The following LRRC7 variants were observed in gnomAD, a reference collection of about 807,000 sequenced individuals.
LRRC7 encodes leucine-rich repeat-containing protein 7.
LRRC7 carries 23 observed loss-of-function variants against 175.7 expected under a neutral mutation model. That is an observed-to-expected ratio of 0.13 (90% CI 0.09 to 0.19). The LOEUF is 0.19. Ranked by LOEUF, LRRC7 falls within the 10% of genes least tolerant of loss-of-function variation. The probability of loss-of-function intolerance (pLI) is 1.00; values close to 1 mark genes in which losing one functional copy is unlikely to be tolerated. For synonymous variants in LRRC7, 685 were observed against 680.9 expected, an observed-to-expected ratio of 1.01 and a Z score of -0.09; for missense variants, 1,354 against 1,904.7, an observed-to-expected ratio of 0.71 and a Z score of 5.38.
At chr1:69,918,836 T>C (rs1369389688) in intron 7 of LRRC7, among the ~76,000 whole-genome samples, 1 of 152,064 alleles carries the variant, frequency 6.6e-6, no homozygotes, top group Non-Finnish European at 1.5e-5. Context: ...TTTAAATAAA[T>C]AAGCTTCAGG....
rs139858227 is a variant in LRRC7 at position 69,930,599 on chromosome 1, T to C, written c.648-908T>C. Among the ~76,000 whole-genome samples, 1,249 of 152,304 alleles carry C rather than the reference T, an allele frequency of 8.2e-3. 16 individuals are homozygous for C. Among genetic ancestry groups the C allele is most frequent in the African/African-American group, 0.028 (1,144 of 41,568 alleles). On this transcript the variant is annotated intron_variant, in intron 7 of 26. Transcript: ENST00000651989. ...TGGAGTGCACTTGGGTTCCCTGAAC[T>C]TTTGACATCAACTCTTGCCCAAGGT...
At chr1:70,114,914 A>G (rs762629335) in intron 26 of LRRC7, among the ~76,000 whole-genome samples, 1 of 152,220 alleles carries the variant, frequency 6.6e-6, no homozygotes, top group Non-Finnish European at 1.5e-5. Context: ...AGTTTAGTTA[A>G]TAGAAAAGTA....
intron 8 of LRRC7, among the ~76,000 whole-genome samples, chr1:69,937,107 A>G (rs989362159): frequency 3.2e-4 from 49 of 152,252 alleles, no homozygotes; most frequent in African/African-American, 1.1e-3. Context: ...AGGGATTTCT[A>G]TGTAACTAAT....
At chr1:69,926,140 G>A (rs1203811298) in intron 7 of LRRC7, among the ~76,000 whole-genome samples, 2 of 150,374 alleles carry the variant, frequency 1.3e-5, no homozygotes, top group East Asian at 2.0e-4. Context: ...CTGAGTTCTA[G>A]TTTGATTGCA....
intron 1 of LRRC7, among the ~76,000 whole-genome samples, chr1:69,650,388 A>G (rs1466609877): frequency 1.3e-5 from 2 of 151,690 alleles, no homozygotes; most frequent in Non-Finnish European, 2.9e-5. Context: ...AAAATGAAAA[A>G]AATTAGCCGG....
chr1:69,670,037 G>T (rs1029598765), intron 1 of LRRC7, among the ~76,000 whole-genome samples: 1 of 152,142 alleles, frequency 6.6e-6, no homozygotes, highest in Admixed American at 6.5e-5. Flanking sequence ...TGAATTATCT[G>T]TCTAAAGGTC....
At chr1:69,888,365 G>A (rs1476459248) in intron 7 of LRRC7, among the ~76,000 whole-genome samples, 1 of 152,130 alleles carries the variant, frequency 6.6e-6, no homozygotes, top group Admixed American at 6.5e-5. Flanking sequence ...TATTCGGGTG[G>A]GAGTGACCCG....
chr1:69,730,563 T>C (rs1238797064), intron 2 of LRRC7, among the ~76,000 whole-genome samples: 1 of 152,166 alleles, frequency 6.6e-6, no homozygotes, highest in Non-Finnish European at 1.5e-5. Context: ...TTATTGTCCA[T>C]ATCACTATTA....
chr1:69,821,849 T>C (rs752508257), intron 4 of LRRC7, among the ~76,000 whole-genome samples: 3 of 152,030 alleles, frequency 2.0e-5, no homozygotes, highest in African/African-American at 7.2e-5. Context: ...GAGCTGAGAT[T>C]GTGCCAATGC....
chr1:70,044,870 G>T (rs994571250), intron 22 of LRRC7, among the ~76,000 whole-genome samples: 7 of 152,108 alleles, frequency 4.6e-5, no homozygotes, highest in African/African-American at 1.7e-4. Context: ...TTCACAGTAT[G>T]TCATTATGCC....
chr1:69,635,319 G>A (rs1479507549), intron 1 of LRRC7, among the ~76,000 whole-genome samples: 2 of 152,016 alleles, frequency 1.3e-5, no homozygotes, highest in African/African-American at 2.4e-5. Flanking sequence ...TAAGCTTAGC[G>A]AAAGTGATTA....
chr1:69,966,873 G>T (rs538273425), intron 8 of LRRC7, among the ~76,000 whole-genome samples: 73 of 152,344 alleles, frequency 4.8e-4, no homozygotes, highest in African/African-American at 1.5e-3. Flanking sequence ...GGCTGCCAGA[G>T]GCACTGGGCA....
intron 2 of LRRC7, among the ~76,000 whole-genome samples, chr1:69,719,258 A>C (rs1324861075): frequency 6.6e-6 from 1 of 151,730 alleles, no homozygotes; most frequent in East Asian, 1.9e-4. Context: ...CAGAAATGAT[A>C]ATTTCAGTCA....
rs748465593 is a variant in LRRC7, at chr1:70,039,300, G to A, written c.3476G>A (p.Ser1159Asn). Reference protein sequence around the residue: ...GFLRRADSLVSATEMAMFRRV... With the variant: ...GFLRRADSLVNATEMAMFRRV... ...CTGAGAAGGGCCGACTCCCTGGTGAGCGCCACAGAAATGGCCATGTTTAGA... is the reference window on the plus strand; with the variant it reads ...CTGAGAAGGGCCGACTCCCTGGTGAACGCCACAGAAATGGCCATGTTTAGA... Residue 1159 changes from serine (S) to asparagine (N), a missense_variant, in exon 21 of 27, where the codon AGC becomes AAC. Physicochemically the swap from Ser to Asn is conservative, Grantham distance 46. Coordinates refer to ENST00000651989, the MANE Select transcript of LRRC7 (RefSeq NM_001370785.2). 62 of 1,614,036 alleles carry A rather than the reference G, an allele frequency of 3.8e-5. No homozygotes were observed. The highest frequency in any genetic ancestry group is 5.0e-5 in the Non-Finnish European group (59 of 1,180,002).
chr1:70,109,931 G>A (rs1665407964), intron 26 of LRRC7, among the ~76,000 whole-genome samples: 1 of 152,212 alleles, frequency 6.6e-6, no homozygotes, highest in Non-Finnish European at 1.5e-5. Flanking sequence ...GTGAAGCTGG[G>A]TAGAGAAGTA....
At chr1:69,816,751 T>G (rs1678646519) in intron 4 of LRRC7, among the ~76,000 whole-genome samples, 1 of 152,148 alleles carries the variant, frequency 6.6e-6, no homozygotes, top group Non-Finnish European at 1.5e-5. Context: ...TCTCCAGAAC[T>G]TGTTCATCTT....
chr1:69,882,585 A>G (rs1459051295), intron 7 of LRRC7, among the ~76,000 whole-genome samples: 6 of 151,924 alleles, frequency 3.9e-5, no homozygotes, highest in Non-Finnish European at 7.4e-5. Flanking sequence ...TTGTAACAAC[A>G]TGGATGAAAC....
chr1:69,609,072 A>G (rs1773327), intron 1 of LRRC7, among the ~76,000 whole-genome samples: 22,881 of 151,642 alleles, frequency 0.15, 1,908 homozygotes, highest in Admixed American at 0.19. Context: ...ATGAGCAGAG[A>G]CAGCTTGAAA....
chr1:69,728,333 C>A (rs1361263817), intron 2 of LRRC7, among the ~76,000 whole-genome samples: 1 of 151,980 alleles, frequency 6.6e-6, no homozygotes, highest in Non-Finnish European at 1.5e-5. Flanking sequence ...TTTGAAAATA[C>A]CATATAAACA....
Sources: allele counts gnomAD v4.1 joint callset (sites outside exome capture counted in the v4.1 genomes callset), GRCh38; gene constraint gnomAD v4.1.1; transcripts MANE v1.5; gene names NCBI Gene and HGNC (gene_info 2026-07-23, HGNC 2026-07-21).